HHAT: variants seen among roughly 807,000 people sequenced by gnomAD.
The protein encoded by HHAT is hedgehog acyltransferase.
A neutral mutation model predicts 70.8 loss-of-function variants in HHAT; 47 were observed. The observed-to-expected ratio is 0.66, with a 90% CI of 0.53 to 0.85. HHAT has a LOEUF of 0.85. Among genes scored for constraint, HHAT ranks in the 40% least tolerant of loss-of-function variants. The pLI, the probability that HHAT is intolerant of heterozygous loss-of-function variation, is 0.00. For synonymous variants in HHAT, 228 were observed against 247.6 expected (o/e 0.92, Z 0.74); for missense variants, 609 against 604.8 (o/e 1.01, Z -0.07).
At chr1:210,610,786 CTTGT>C (rs1409141583) in intron 10 of HHAT, among the ~76,000 whole-genome samples, 1 of 152,072 alleles carries the variant, frequency 6.6e-6, no homozygotes, top group African/African-American at 2.4e-5. Flanking sequence ...TTCCCCATTG[CTTGT>C]TTTTGTCAGG....
intron 10 of HHAT, among the ~76,000 whole-genome samples, chr1:210,618,800 A>T (rs1324975071): frequency 6.6e-6 from 1 of 152,170 alleles, no homozygotes; most frequent in Non-Finnish European, 1.5e-5. Context: ...CAGGGAAAGG[A>T]TGCTGCCTGG....
In HHAT at chr1:210,465,058, G is replaced by A. The variant is rs79173469; in HGVS notation, c.1007+403G>A. On this transcript the variant is annotated intron_variant, in intron 8 of 11. Transcript: ENST00000261458. ...GATAGGAGGTTAGGCCAGTGTTGCA[G>A]TATACTATTTACTAAATCTAAGTTT... 6.8e-3 allele frequency among the ~76,000 whole-genome samples: 1,032 copies of A among 152,288 alleles called. 9 individuals carry two copies. The highest frequency in any genetic ancestry group is 0.024 in the African/African-American group (977 of 41,566).
chr1:210,655,978 T>C (rs1272394977), intron 11 of HHAT, among the ~76,000 whole-genome samples: 2 of 152,214 alleles, frequency 1.3e-5, no homozygotes, highest in East Asian at 1.9e-4. Flanking sequence ...GAGGCAGATA[T>C]CTGCAATGGA....
intron 9 of HHAT, among the ~76,000 whole-genome samples, chr1:210,564,268 A>G (rs1330367090): frequency 2.0e-5 from 3 of 152,008 alleles, no homozygotes; most frequent in Non-Finnish European, 2.9e-5. Context: ...TGGCTTCACT[A>G]TATTGTTAAT....
chr1:210,346,651 G>T (rs944453120), intron 1 of HHAT, among the ~76,000 whole-genome samples: 1 of 152,212 alleles, frequency 6.6e-6, no homozygotes, highest in Non-Finnish European at 1.5e-5. Flanking sequence ...ACGAAATGGG[G>T]CACTCTGGGT....
intron 7 of HHAT, chr1:210,462,791 AG>A (rs1413332884): frequency 6.6e-6 from 1 of 152,454 alleles, no homozygotes; most frequent in Non-Finnish European, 1.5e-5. Flanking sequence ...CTCTGGCACC[AG>A]GGTTACCATT....
chr1:210,506,245 C>T (rs187558717), intron 8 of HHAT, among the ~76,000 whole-genome samples: 20 of 152,218 alleles, frequency 1.3e-4, no homozygotes, highest in East Asian at 5.8e-4. Context: ...TGTGTTAGCC[C>T]GGGCACAGTC....
intron 11 of HHAT, among the ~76,000 whole-genome samples, chr1:210,655,689 G>A (rs1676242035): frequency 6.6e-6 from 1 of 152,178 alleles, no homozygotes; most frequent in South Asian, 2.1e-4. Flanking sequence ...ATGTATCTGA[G>A]TCACTTTATA....
intron 9 of HHAT, among the ~76,000 whole-genome samples, chr1:210,519,017 C>A (rs763448505): frequency 1.2e-4 from 19 of 152,140 alleles, no homozygotes; most frequent in Admixed American, 6.5e-5. Context: ...GTGTTAGAGT[C>A]TTGGGAGGTC....
At position 210,442,313 on chromosome 1, in the gene HHAT, G is replaced by A. The variant is rs12096485; in HGVS notation, c.857-22192G>A. Among the ~76,000 whole-genome samples the A allele has an allele frequency of 7.1e-4, 97 of 136,066 alleles. 1 individual carries two copies. The highest frequency in any genetic ancestry group is 2.2e-3 in the African/African-American group (79 of 36,566). 89.3% of individuals were successfully genotyped at this position (136,066 alleles called of 152,430 possible). On this transcript the variant is annotated intron_variant, in intron 7 of 11. Transcript: ENST00000261458. ...GTGAATAATGCCGCAGTAAACATAC[G>A]TGTGCATGTGTCTTTATAGCAGCAT... is the stretch of plus-strand genomic sequence containing the variant.
intron 7 of HHAT, among the ~76,000 whole-genome samples, chr1:210,421,790 T>C (rs1165333200): frequency 6.6e-6 from 1 of 152,204 alleles, no homozygotes; most frequent in East Asian, 1.9e-4. Context: ...TTGCCCATTT[T>C]TCTAATGGGA....
chr1:210,450,313 T>G (rs2093726293), intron 7 of HHAT, among the ~76,000 whole-genome samples: 1 of 149,554 alleles, frequency 6.7e-6, no homozygotes, highest in South Asian at 2.2e-4. Flanking sequence ...TGGGAAACAG[T>G]GAGGATATGG....
intron 9 of HHAT, among the ~76,000 whole-genome samples, chr1:210,571,492 T>C (rs977846079): frequency 1.3e-5 from 2 of 152,198 alleles, no homozygotes; most frequent in African/African-American, 2.4e-5. Flanking sequence ...GCTGCTTCTC[T>C]GTATCCCCAC....
At chr1:210,429,235 C>T (rs959326400) in intron 7 of HHAT, among the ~76,000 whole-genome samples, 8 of 151,782 alleles carry the variant, frequency 5.3e-5, no homozygotes, top group South Asian at 4.1e-4. Flanking sequence ...TCCTACCTAA[C>T]TACAATTACA....
At chr1:210,357,320 C>T (rs372861230) in intron 2 of HHAT, among the ~76,000 whole-genome samples, 2 of 152,170 alleles carry the variant, frequency 1.3e-5, no homozygotes, top group African/African-American at 4.8e-5. Flanking sequence ...CAACCTTTCT[C>T]CCCTGAAGCA....
intron 8 of HHAT, among the ~76,000 whole-genome samples, chr1:210,471,679 G>A (rs778118937): frequency 1.3e-4 from 20 of 152,090 alleles, no homozygotes; most frequent in South Asian, 2.1e-4. Context: ...CAGCAGCAGC[G>A]CGAAGAACAC....
intron 4 of HHAT, among the ~76,000 whole-genome samples, chr1:210,396,256 T>G (rs1282568984): frequency 2.6e-5 from 4 of 152,192 alleles, no homozygotes; most frequent in Admixed American, 6.5e-5. Flanking sequence ...ATAAAGACCA[T>G]TGAGTGAGGG....
At chr1:210,543,284 C>T (rs1210005093) in intron 9 of HHAT, among the ~76,000 whole-genome samples, 1 of 151,756 alleles carries the variant, frequency 6.6e-6, no homozygotes, top group East Asian at 1.9e-4. Flanking sequence ...GTTTGGCATG[C>T]TTTCTCTGAA....
chr1:210,625,921 C>T (rs1669743810), intron 11 of HHAT, among the ~76,000 whole-genome samples: 1 of 152,308 alleles, frequency 6.6e-6, no homozygotes, highest in African/African-American at 2.4e-5. Flanking sequence ...ATGACCAACC[C>T]AAGTACAGGG....
Sources: allele counts gnomAD v4.1 joint callset (sites outside exome capture counted in the v4.1 genomes callset), GRCh38; gene constraint gnomAD v4.1.1; transcripts MANE v1.5; gene names NCBI Gene and HGNC (gene_info 2026-07-23, HGNC 2026-07-21).